Variants in SCUBE1 observed in about 807,000 individuals in gnomAD.
The protein encoded by SCUBE1 is signal peptide, CUB domain and EGF like domain containing 1, also known as signal peptide, CUB and EGF-like domain-containing protein 1.
A neutral mutation model predicts 124.4 loss-of-function variants in SCUBE1; 59 were observed. That is an observed-to-expected ratio of 0.47 (90% confidence interval 0.38 to 0.59). SCUBE1 has a LOEUF of 0.59. SCUBE1 is among the 20% of genes least tolerant of loss of function. The pLI is 0.00. For missense variants in SCUBE1, 1,150 were observed against 1,371.2 expected, an observed-to-expected ratio of 0.84 and a Z score of 2.55; for synonymous variants, 545 against 550.9, an observed-to-expected ratio of 0.99 and a Z score of 0.15.
intron 15 of SCUBE1, among the ~76,000 whole-genome samples, chr22:43,216,011 C>T (rs1921795430): frequency 6.6e-6 from 1 of 152,026 alleles, no homozygotes; most frequent in South Asian, 2.1e-4. Flanking sequence ...TTCTGCTTGA[C>T]AATGTTTCTG....
intron 4 of SCUBE1, among the ~76,000 whole-genome samples, chr22:43,290,689 G>A (rs886405055): frequency 3.9e-5 from 6 of 152,236 alleles, no homozygotes; most frequent in African/African-American, 1.2e-4. Flanking sequence ...CACACAGCCT[G>A]GATAGCCTCA....
chr22:43,227,779 A>C (rs1922386016), intron 9 of SCUBE1, among the ~76,000 whole-genome samples: 1 of 152,164 alleles, frequency 6.6e-6, no homozygotes, highest in South Asian at 2.1e-4. Context: ...CACACGATTA[A>C]AGTTCCAACC....
rs1921047548 is a variant in SCUBE1, at chr22:43,202,554, G to T, written c.*1443C>A. 6.6e-6 allele frequency: 1 copy of T among 152,144 alleles called. No individual in the cohort carries two copies. The highest frequency in any genetic ancestry group is 2.4e-5 in the African/African-American group (1 of 41,402). The allele number at this position is 152,144 out of a possible 1,614,324, so 9.4% of individuals were successfully genotyped here. A position where few individuals can be genotyped will look rare whatever the true frequency, so the allele number is the denominator to read the frequency against. The stretch of plus-strand genomic sequence containing the variant: ...ATCCCAGGCGCTGGCCTTCCGGCTG[G>T]GTGGGACACATGCACTCGGTCACAG... On this transcript the variant is annotated 3_prime_UTR_variant, in exon 22 of 22. Coordinates refer to ENST00000360835, the MANE Select transcript of SCUBE1 (RefSeq NM_173050.5).
intron 2 of SCUBE1, among the ~76,000 whole-genome samples, chr22:43,320,545 T>G (rs994974347): frequency 1.3e-5 from 2 of 152,140 alleles, no homozygotes; most frequent in African/African-American, 4.8e-5. Flanking sequence ...TTTTGCTGTT[T>G]TAAGGCTTTT....
rs1920982029 is a variant in SCUBE1, at chr22:43,200,230, C to T, written c.*3767G>A. 6.6e-6 allele frequency: 1 copy of T among 152,316 alleles called. No individual in the cohort carries two copies. The highest frequency in any genetic ancestry group is 1.5e-5 in the Non-Finnish European group (1 of 68,106). The allele number at this position is 152,316 out of a possible 1,614,324, so 9.4% of individuals were successfully genotyped here. On this transcript the variant is annotated 3_prime_UTR_variant, in exon 22 of 22. Transcript: ENST00000360835. ...CGGCCAGATGGCAGTGCAGGGACTC[C>T]CAGCAGCCCGCTTGCTTCTTGGCTC...
intron 10 of SCUBE1, among the ~76,000 whole-genome samples, chr22:43,223,719 G>C (rs1384047604): frequency 1.3e-5 from 2 of 152,236 alleles, no homozygotes; most frequent in African/African-American, 2.4e-5. Flanking sequence ...CCTAGGAAAA[G>C]ACGGACGGTT....
chr22:43,304,448 G>T (rs1200617181), intron 3 of SCUBE1, among the ~76,000 whole-genome samples: 1 of 152,174 alleles, frequency 6.6e-6, no homozygotes, highest in African/African-American at 2.4e-5. Context: ...ACCATAGTGG[G>T]GTCAGAGCCC....
chr22:43,287,530 C>T (rs1275958516), intron 4 of SCUBE1, among the ~76,000 whole-genome samples: 1 of 152,236 alleles, frequency 6.6e-6, no homozygotes, highest in African/African-American at 2.4e-5. Context: ...GAAAGCAGGG[C>T]CACTCAGACG....
At position 43,211,105 on chromosome 22, in the gene SCUBE1, T is replaced by C. The variant is rs191530653; in HGVS notation, c.2222-22A>G. 252 of 1,592,020 alleles carry C rather than the reference T, an allele frequency of 1.6e-4. 2 individuals carry two copies. The African/African-American group carries it at 3.1e-3, about 20-fold the overall frequency. On this transcript the variant is annotated intron_variant, in intron 17 of 21. Transcript: ENST00000360835. The surrounding 1 kb of genome is among the most constrained non-coding windows in gnomAD (Gnocchi z 4.5). ...TGCACTGCCGGGGGACACAAGGCAGTGTGGTGGGTGTGGAGGGGTGCAGGG... is the reference window on the plus strand; with the variant it reads ...TGCACTGCCGGGGGACACAAGGCAGCGTGGTGGGTGTGGAGGGGTGCAGGG...
intron 5 of SCUBE1, among the ~76,000 whole-genome samples, chr22:43,261,627 G>T (rs540042999): frequency 1.3e-5 from 2 of 152,198 alleles, no homozygotes; most frequent in Non-Finnish European, 2.9e-5. Flanking sequence ...GTGGAAGAAC[G>T]GTCATTTTCT....
chr22:43,287,868 G>A (rs1288166154), intron 4 of SCUBE1, among the ~76,000 whole-genome samples: 1 of 152,180 alleles, frequency 6.6e-6, no homozygotes, highest in East Asian at 1.9e-4. Flanking sequence ...GTGGGCAATT[G>A]TCACAACAGA....
intron 1 of SCUBE1, among the ~76,000 whole-genome samples, chr22:43,340,481 T>TACACACACAC (rs3047392): frequency 5.1e-5 from 7 of 136,114 alleles, no homozygotes; most frequent in South Asian, 2.7e-4. Context: ...TTGTCTCTTT[T>TACACACACAC]ACACACACAC....
intron 3 of SCUBE1, among the ~76,000 whole-genome samples, chr22:43,311,514 G>A (rs527431385): frequency 6.6e-6 from 1 of 150,590 alleles, no homozygotes; most frequent in African/African-American, 2.4e-5. Flanking sequence ...TCTGCCCCCC[G>A]GGTTCAAGTG....
chr22:43,218,257 C>T lies in SCUBE1; in HGVS notation c.1889G>A (p.Cys630Tyr), dbSNP rs2146664774. The part of the protein sequence containing the change: ...GAGQVLQDSK[C>Y]VACGPGTHFG... ...AGTGGCCATGGGCAAGGACTCACCGCATTTGCTGTCCTGTAGCACCTGGCC... is the reference window on the plus strand; with the variant it reads ...AGTGGCCATGGGCAAGGACTCACCGTATTTGCTGTCCTGTAGCACCTGGCC... Residue 630 changes from cysteine (C) to tyrosine (Y), a missense_variant and splice_region_variant, in exon 15 of 22, where the codon TGC (cysteine) becomes TAC (tyrosine). Physicochemically the swap from Cys to Tyr is radical, Grantham distance 194. Around this residue, in one of 3 missense-constraint regions of SCUBE1, gnomAD observed 757 missense variants for 840.9 expected, o/e 0.90. Coordinates refer to ENST00000360835, the MANE Select transcript of SCUBE1 (RefSeq NM_173050.5). 1 of 1,612,974 alleles carries T rather than the reference C, an allele frequency of 6.2e-7. No individual in the cohort carries two copies. The highest frequency in any genetic ancestry group is 2.2e-5 in the East Asian group (1 of 44,882).
intron 3 of SCUBE1, among the ~76,000 whole-genome samples, chr22:43,311,628 T>C (rs1187495891): frequency 6.6e-6 from 1 of 151,760 alleles, no homozygotes; most frequent in African/African-American, 2.4e-5. Context: ...TGTTTCACCA[T>C]GTTGGTCAGG....
chr22:43,220,333 G>T, intron 14 of SCUBE1, 117 bp downstream of exon 14: 2 of 1,212,636 alleles, frequency 1.6e-6, no homozygotes, highest in Non-Finnish European at 2.3e-6. Flanking sequence ...TCCCATCCCA[G>T]CCACAGCTGT....
intron 6 of SCUBE1, among the ~76,000 whole-genome samples, chr22:43,245,233 G>A (rs1923160100): frequency 6.6e-6 from 1 of 152,250 alleles, no homozygotes; most frequent in Non-Finnish European, 1.5e-5. Flanking sequence ...CACGAATGTG[G>A]CCTCCCTTGC....
rs1922169980 is a variant in SCUBE1 at position 43,223,189 on chromosome 22, T to C, written c.1235A>G (p.Lys412Arg). Residue 412 changes from lysine to arginine, a missense_variant, in exon 11 of 22, where the codon AAG (lysine) becomes AGG (arginine). By Grantham distance (26) the Lys-to-Arg change is conservative. This residue lies in a region of SCUBE1 where 757 missense variants were observed against 840.9 expected (regional missense o/e 0.90). Transcript: ENST00000360835. ...VETGKCLSRA[K>R]TSPRAQLSCS... Reference sequence around the variant, plus strand: ...GGACAGCTGGGCCCGGGGGGAGGTCTTGGCGCGAGAAAGACACTTGCCTGT... The same window carrying C: ...GGACAGCTGGGCCCGGGGGGAGGTCCTGGCGCGAGAAAGACACTTGCCTGT... The C allele has an allele frequency of 1.3e-6, 2 of 1,573,700 alleles. No individual in the cohort carries two copies. The highest frequency in any genetic ancestry group is 8.6e-7 in the Non-Finnish European group (1 of 1,168,188).
chr22:43,207,900 C>G (rs149107594), intron 20 of SCUBE1, among the ~76,000 whole-genome samples, 172 bp downstream of exon 20: 1 of 152,230 alleles, frequency 6.6e-6, no homozygotes, highest in East Asian at 1.9e-4. Context: ...CTGTACCACC[C>G]GGTACCACCC....
Sources: gnomAD v4.1 joint callset for allele counts (sites outside exome capture counted in the v4.1 genomes callset) on GRCh38, gnomAD v4.1.1 for gene constraint, gnomAD v4.1.1 regional missense constraint, Gnocchi (gnomAD v3.1) non-coding constraint, MANE v1.5 for transcripts, NCBI Gene and HGNC (gene_info 2026-07-23, HGNC 2026-07-21) for gene names.